Variants in MAF observed in about 807,000 individuals in gnomAD.
MAF encodes MAF bZIP transcription factor.
MAF carries 10 observed loss-of-function variants against 22.0 expected under a neutral mutation model. The observed-to-expected ratio is 0.45, with a 90% CI of 0.28 to 0.77. The LOEUF is 0.77. MAF is among the 30% of genes least tolerant of loss of function. The probability of loss-of-function intolerance (pLI) is 0.12; values close to 1 mark genes in which losing one functional copy is unlikely to be tolerated. For synonymous variants in MAF, 337 were observed against 255.8 expected, an observed-to-expected ratio of 1.32 and a Z score of -3.03; for missense variants, 544 against 548.4, an observed-to-expected ratio of 0.99 and a Z score of 0.08.
At chr16:79,341,214 G>T in the MAF span, among the ~76,000 whole-genome samples, 1 of 152,206 alleles carries the variant, frequency 6.6e-6, no homozygotes, top group Non-Finnish European at 1.5e-5. Context: ...AGCACAAGAA[G>T]GAGAGACAAT....
At chr16:79,407,837 C>A in the MAF span, among the ~76,000 whole-genome samples, 3 of 152,158 alleles carry the variant, frequency 2.0e-5, no homozygotes, top group South Asian at 6.2e-4. Flanking sequence ...TTCATGAATG[C>A]CTCAATTCCT....
chr16:79,598,707 C>G, intron 1 of MAF, 78 bp downstream of exon 1: 2 of 1,596,186 alleles, frequency 1.3e-6, no homozygotes, highest in South Asian at 1.1e-5. Flanking sequence ...GGCTCTAGAA[C>G]TAGCAAGCCC....
the MAF span, among the ~76,000 whole-genome samples, chr16:79,252,882 G>A: frequency 1.3e-5 from 2 of 152,136 alleles, no homozygotes; most frequent in Non-Finnish European, 2.9e-5. Context: ...ATTGTGAAAG[G>A]GGTGTAAAAG....
the MAF span, among the ~76,000 whole-genome samples, chr16:79,276,763 A>G: frequency 6.6e-5 from 10 of 152,184 alleles, no homozygotes; most frequent in Admixed American, 2.6e-4. Flanking sequence ...GGGATTGCCT[A>G]ACAAATGACC....
chr16:79,214,980 G>A, the MAF span, among the ~76,000 whole-genome samples: 1 of 152,036 alleles, frequency 6.6e-6, no homozygotes, highest in Non-Finnish European at 1.5e-5. Flanking sequence ...AAAGTGCTGG[G>A]ATTACAGGTG....
the MAF span, among the ~76,000 whole-genome samples, chr16:79,378,416 T>C: frequency 6.6e-6 from 1 of 152,322 alleles, no homozygotes; most frequent in African/African-American, 2.4e-5. Context: ...AAAACCAAGC[T>C]TGGCGAAACA....
chr16:79,598,455 TAAAA>T, intron 1 of MAF: 34 of 1,086,646 alleles, frequency 3.1e-5, no homozygotes, highest in Admixed American at 9.5e-5. Context: ...CGGGGGGGTG[TAAAA>T]AAAAAAAAAA....
At chr16:79,549,927 T>G in the MAF span, among the ~76,000 whole-genome samples, 1 of 152,168 alleles carries the variant, frequency 6.6e-6, no homozygotes, top group African/African-American at 2.4e-5. Context: ...ATTGTTCCAT[T>G]TCAGGAGTTT....
chr16:79,547,920 T>C, the MAF span, among the ~76,000 whole-genome samples: 107 of 120,870 alleles, frequency 8.9e-4, 1 homozygote, highest in East Asian at 0.011. Flanking sequence ...GAGAGAGAGA[T>C]AGAGAGAGAG....
the MAF span, chr16:79,212,420 T>C: frequency 2.7e-6 from 1 of 367,326 alleles, no homozygotes; most frequent in South Asian, 6.7e-5. Context: ...CCTTTGCTAA[T>C]GCTATGCAAA....
At chr16:79,573,829 G>C in the MAF span, among the ~76,000 whole-genome samples, 1 of 152,336 alleles carries the variant, frequency 6.6e-6, no homozygotes, top group African/African-American at 2.4e-5. Context: ...GGAAATGTCA[G>C]GCTAGGGGTC....
chr16:79,210,259 C>G, the MAF span, among the ~76,000 whole-genome samples: 1 of 152,212 alleles, frequency 6.6e-6, no homozygotes, highest in Non-Finnish European at 1.5e-5. Flanking sequence ...CAACAACAAA[C>G]CCAAGTCTGC....
downstream of MAF, among the ~76,000 whole-genome samples, chr16:79,589,713 A>G (rs887341880): frequency 6.6e-6 from 1 of 152,094 alleles, no homozygotes; most frequent in Non-Finnish European, 1.5e-5. Context: ...GGGAGTTTTG[A>G]TATCCCCCGG....
chr16:79,294,327 A>G, the MAF span, among the ~76,000 whole-genome samples: 3 of 152,288 alleles, frequency 2.0e-5, no homozygotes, highest in South Asian at 6.2e-4. Context: ...CATTGCTGTT[A>G]GAGTTAAACT....
At chr16:79,491,790 G>T in the MAF span, among the ~76,000 whole-genome samples, 2 of 152,174 alleles carry the variant, frequency 1.3e-5, no homozygotes, top group Admixed American at 6.5e-5. Flanking sequence ...GGATAGCACT[G>T]GCTAGACAGA....
the MAF span, among the ~76,000 whole-genome samples, chr16:79,550,134 G>A: frequency 5.0e-3 from 753 of 152,116 alleles, 5 homozygotes; most frequent in Non-Finnish European, 6.0e-3. Flanking sequence ...TTCCCCCAGG[G>A]CATCTGCAGA....
chr16:79,384,950 C>T, the MAF span, among the ~76,000 whole-genome samples: 1 of 152,090 alleles, frequency 6.6e-6, no homozygotes, highest in Non-Finnish European at 1.5e-5. Context: ...TTGAAGAAGA[C>T]ACTGAGGCCA....
At chr16:79,322,998 A>C in the MAF span, among the ~76,000 whole-genome samples, 2 of 151,364 alleles carry the variant, frequency 1.3e-5, no homozygotes, top group Non-Finnish European at 2.9e-5. Flanking sequence ...AAAATACAAA[A>C]AATTAGCCAG....
chr16:79,347,505 C>T, the MAF span, among the ~76,000 whole-genome samples: 1 of 152,166 alleles, frequency 6.6e-6, no homozygotes, highest in African/African-American at 2.4e-5. Flanking sequence ...GTCCTCAGCA[C>T]GGCTGGAGTA....
Sources: gnomAD v4.1 joint callset for allele counts (sites outside exome capture counted in the v4.1 genomes callset) on GRCh38, gnomAD v4.1.1 for gene constraint, MANE v1.5 for transcripts, NCBI Gene and HGNC (gene_info 2026-07-23, HGNC 2026-07-21) for gene names.